PNKP: variants seen among roughly 807,000 people sequenced by gnomAD.
PNKP encodes polynucleotide kinase 3'-phosphatase, also known as bifunctional polynucleotide phosphatase/kinase.
A neutral mutation model predicts 66.2 loss-of-function variants in PNKP; 82 were observed. The ratio of observed to expected loss-of-function variants is 1.24; its 90% CI spans 1.04 to 1.49. The LOEUF (loss-of-function observed/expected upper bound fraction) is 1.49, where lower values mean the gene tolerates loss of function less well. PNKP is among the 40% of genes most tolerant of loss of function. The pLI is 0.00. For missense variants in PNKP, 907 were observed against 706.8 expected, an observed-to-expected ratio of 1.28 and a Z score of -3.21; for synonymous variants, 412 against 298.9, an observed-to-expected ratio of 1.38 and a Z score of -3.90.
Position 49,864,228 on chromosome 19 carries a change from T to A in PNKP, c.587A>T (p.Tyr196Phe), listed in dbSNP as rs138931842. 3.7e-6 allele frequency: 6 copies of A among 1,614,038 alleles called. No individual in the cohort carries two copies. The highest frequency in any genetic ancestry group is 5.1e-6 in the Non-Finnish European group (6 of 1,180,002). ...TCGGAGCTTACGGGGAATCTCTGGG[T>A]ACAAGATCCTACGGCAGGTATGAAG... ...PTGPSDWRIL[Y>F]PEIPRKLREL... The change falls in exon 6 of 17, where the codon TAC becomes TTC. Residue 196 changes from tyrosine (Y) to phenylalanine (F), a missense_variant. Coordinates refer to ENST00000322344, the MANE Select transcript of PNKP (RefSeq NM_007254.4).
rs754563867 is a variant in PNKP at position 49,864,445 on chromosome 19, C to T, written c.499-42G>A. The T allele has an allele frequency of 6.9e-6, 10 of 1,448,482 alleles. No homozygotes were observed. In the African/African-American group the frequency reaches 1.1e-4, roughly 16 times the overall value. The allele number at this position is 1,448,482 out of a possible 1,614,324, so 89.7% of individuals were successfully genotyped here. A position where few individuals can be genotyped will look rare whatever the true frequency, so the allele number is the denominator to read the frequency against. On this transcript the variant is annotated intron_variant, in intron 4 of 16. Transcript: ENST00000322344. Reference sequence around the variant, plus strand: ...AAGACAAACAGCAGCACTGTGATACCTCTGACCCTCCTCACTCACAGGCTG... The same window carrying T: ...AAGACAAACAGCAGCACTGTGATACTTCTGACCCTCCTCACTCACAGGCTG...
chr19:49,865,105 C>CA (rs2074808335), intron 4 of PNKP, 22 bp downstream of exon 4: 1 of 1,608,784 alleles, frequency 6.2e-7, no homozygotes, highest in African/African-American at 1.3e-5. Flanking sequence ...GCGGCTCCCT[C>CA]AGCCCTCGGC....
chr19:49,864,241 G>A lies in PNKP; in HGVS notation c.579-5C>T, dbSNP rs767753048. On this transcript the variant is annotated splice_polypyrimidine_tract_variant and splice_region_variant and intron_variant, in intron 5 of 16. Coordinates refer to ENST00000322344, the MANE Select transcript of PNKP (RefSeq NM_007254.4). ...GGAATCTCTGGGTACAAGATCCTAC[G>A]GCAGGTATGAAGCGGCAGGGGTGAC... is the stretch of plus-strand genomic sequence containing the variant. 5.6e-5 allele frequency: 91 copies of A among 1,613,948 alleles called. No homozygotes were observed. The highest frequency in any genetic ancestry group is 3.8e-4 in the East Asian group (17 of 44,886).
Position 49,861,785 on chromosome 19 carries a change from CGGCGTCT to C in PNKP, c.1278_1284del (p.Asp427ArgfsTer38). On this transcript the variant is annotated frameshift_variant, in exon 14 of 17. Coordinates refer to ENST00000322344, the MANE Select transcript of PNKP (RefSeq NM_007254.4). LOFTEE classifies it high-confidence loss of function. ...CGGTCACGCTACCTGGCGCGGCTCG[CGGCGTCT>C]GGGTTTGTGTTGTCGATGGCGACCC... The C allele has an allele frequency of 6.4e-7, 1 of 1,566,094 alleles. No individual in the cohort carries two copies. The highest frequency in any genetic ancestry group is 8.6e-7 in the Non-Finnish European group (1 of 1,158,520).
rs745385484 is a variant in PNKP at position 49,862,421 on chromosome 19, ACTC to A, written c.976_978del (p.Glu326del). The A allele has an allele frequency of 1.5e-5, 23 of 1,576,690 alleles. No individual in the cohort carries two copies. Among genetic ancestry groups the A allele is most frequent in the Admixed American group, 1.8e-5 (1 of 54,342 alleles). Reference sequence around the variant, plus strand: ...CCGGCTGCTGGCCACTTGAGAAAGAACTCCTCAGGCGTGGCGAAGGGCAGGCCA... The same window carrying A: ...CCGGCTGCTGGCCACTTGAGAAAGAACTCAGGCGTGGCGAAGGGCAGGCCA... On this transcript the variant is annotated inframe_deletion, in exon 11 of 17. Transcript: ENST00000322344.
intron 16 of PNKP, 36 bp downstream of exon 16, chr19:49,861,413 G>A: frequency 1.9e-6 from 3 of 1,613,984 alleles, no homozygotes; most frequent in African/African-American, 1.3e-5. Flanking sequence ...ATGTGGCCCA[G>A]CCAGTGCCCC....
At position 49,863,732 on chromosome 19, in the gene PNKP, T is replaced by C. The variant is rs1362291166; in HGVS notation, c.773A>G (p.Tyr258Cys). The part of the protein sequence containing the change: ...QVLVATHAGL[Y>C]RKPVTGMWDH... ...CCACATGCCCGTCACCGGCTTCCGG[T>C]ACAAGCCTGCGTGCGTGGCCACCAG... Residue 258 changes from tyrosine (Y) to cysteine (C), a missense_variant, in exon 8 of 17, where the codon TAC becomes TGC. Physicochemically the swap from Tyr to Cys is radical, Grantham distance 194 (BLOSUM62 -2). Transcript: ENST00000322344. 17 of 1,559,690 alleles carry C rather than the reference T, an allele frequency of 1.1e-5. No individual in the cohort carries two copies. Among genetic ancestry groups the C allele is most frequent in the Non-Finnish European group, 1.3e-5 (15 of 1,151,278 alleles).
Position 49,861,358 on chromosome 19 carries a change from A to ACTG in PNKP, c.1453_1455dup (p.Gln485dup). ...CCTTCAGCCAGCGTTGGGGCCTCGAACTGCTTCCTGGCAGTGGTGGGAACA... is the reference window on the plus strand; with the variant it reads ...CCTTCAGCCAGCGTTGGGGCCTCGAACTGCTGCTTCCTGGCAGTGGTGGGAACA... On this transcript the variant is annotated inframe_insertion, in exon 17 of 17. Transcript: ENST00000322344. 6.2e-7 allele frequency: 1 copy of ACTG among 1,614,130 alleles called. No individual in the cohort carries two copies. Among genetic ancestry groups the ACTG allele is most frequent in the East Asian group, 2.2e-5 (1 of 44,886 alleles).
At chr19:49,865,017 G>A (rs2074807381) in intron 4 of PNKP, 110 bp downstream of exon 4, 2 of 804,294 alleles carry the variant, frequency 2.5e-6, no homozygotes, top group Non-Finnish European at 2.1e-6. Context: ...TTATCATTAG[G>A]CCCATTTCTC....
In PNKP at chr19:49,862,301, C is replaced by G; in HGVS notation, c.1030-20G>C. Reference sequence around the variant, plus strand: ...AGTCCTCTGCGAGGGGCGGGGGACACGCGTGAGATGCCGTCCCCATCCCCG... The same window carrying G: ...AGTCCTCTGCGAGGGGCGGGGGACAGGCGTGAGATGCCGTCCCCATCCCCG... On this transcript the variant is annotated intron_variant, in intron 11 of 16. Coordinates refer to ENST00000322344, the MANE Select transcript of PNKP (RefSeq NM_007254.4). 1 of 1,557,324 alleles carries G rather than the reference C, an allele frequency of 6.4e-7. No individual in the cohort carries two copies. Among genetic ancestry groups the G allele is most frequent in the Non-Finnish European group, 8.7e-7 (1 of 1,148,978 alleles).
Position 49,861,505 on chromosome 19 carries a change from T to C in PNKP, c.1392A>G (p.Arg464=). 6.2e-7 allele frequency: 1 copy of C among 1,605,340 alleles called. No individual in the cohort carries two copies. The highest frequency in any genetic ancestry group is 8.5e-7 in the Non-Finnish European group (1 of 1,177,206). ...LEQARHNNRF[R]EMTDSSHIPV... The stretch of plus-strand genomic sequence containing the variant: ...GGATATGAGAGGAGTCCGTCATCTC[T>C]CGAAACTGTGGGGAACATCAGAGGG... The change falls in exon 16 of 17, where the codon CGA becomes CGG. Residue 464 remains arginine (R), a synonymous_variant. Coordinates refer to ENST00000322344, the MANE Select transcript of PNKP (RefSeq NM_007254.4).
At chr19:49,863,640 G>A in intron 8 of PNKP, 49 bp downstream of exon 8, 3 of 1,418,840 alleles carry the variant, frequency 2.1e-6, no homozygotes, top group Non-Finnish European at 2.9e-6. Flanking sequence ...CAGGAGTGAG[G>A]GGCTGGAGTG....
chr19:49,867,166 C>T lies in PNKP; in HGVS notation c.39G>A (p.Glu13=), dbSNP rs565350498. 6.8e-6 allele frequency: 11 copies of T among 1,610,470 alleles called. No homozygotes were observed. In the African/African-American group the frequency reaches 1.3e-4, roughly 20 times the overall value. The change falls in exon 2 of 17, where the codon GAG becomes GAA. Residue 13 remains glutamate (E), a synonymous_variant. Coordinates refer to ENST00000322344, the MANE Select transcript of PNKP (RefSeq NM_007254.4). The stretch of plus-strand genomic sequence containing the variant: ...TGGGGGGCGCTCCCCCAGGGGGGCT[C>T]TCGAGCCACAAGCGGCCCGGGGCCT... ...EVEAPGRLWL[E]SPPGGAPPIF...
chr19:49,863,573 G>A (rs1401165048), intron 8 of PNKP, 116 bp downstream of exon 8: 18 of 736,508 alleles, frequency 2.4e-5, no homozygotes, highest in Admixed American at 4.3e-5. Context: ...AAAAACAGAA[G>A]GAGGGAGCGA....
intron 4 of PNKP, 92 bp downstream of exon 4, chr19:49,865,035 T>C (rs942922016): frequency 9.7e-6 from 10 of 1,026,360 alleles, no homozygotes; most frequent in African/African-American, 9.5e-5. Flanking sequence ...CTCAGAAAAG[T>C]AAGTAGAGGC....
chr19:49,861,649 G>A lies in PNKP; in HGVS notation c.1345C>T (p.Leu449Phe), dbSNP rs534804322. The A allele has an allele frequency of 6.4e-7, 1 of 1,551,618 alleles. No individual in the cohort carries two copies. The highest frequency in any genetic ancestry group is 2.0e-5 in the Admixed American group (1 of 51,280). ...RAAGVPCRCF[L>F]FTATLEQARH... is the part of the protein sequence containing the mutation. ...GCCTGCTCCAGAGTGGCGGTGAAGA[G>A]GAAGCAGCGGCAGGGGACGCCCGCG... The change falls in exon 15 of 17, where the codon CTC (leucine) becomes TTC (phenylalanine). Residue 449 changes from leucine (L) to phenylalanine (F), a missense_variant. Coordinates refer to ENST00000322344, the MANE Select transcript of PNKP (RefSeq NM_007254.4).
chr19:49,862,907 C>T lies in PNKP; in HGVS notation c.817-169G>A, dbSNP rs1290647. The T allele has an allele frequency of 6.1e-3, 4,426 of 731,448 alleles. 88 individuals carry two copies. The highest frequency in any genetic ancestry group is 0.034 in the South Asian group (2,286 of 66,826). 45.3% of individuals were successfully genotyped at this position (731,448 alleles called of 1,614,324 possible). A position where few individuals can be genotyped will look rare whatever the true frequency, so the allele number is the denominator to read the frequency against. On this transcript the variant is annotated intron_variant, in intron 8 of 16. Transcript: ENST00000322344. ...GCACCGTGCTCCTGGCCCCCTCCCC[C>T]CTCCGTGGTCTCTCCACACAGCCCC...
chr19:49,862,344 AC>A, intron 11 of PNKP, 26 bp downstream of exon 11: 1 of 515,936 alleles, frequency 1.9e-6, no homozygotes, highest in Non-Finnish European at 3.4e-6. Flanking sequence ...TCCCATCCCC[AC>A]CCCCACCCCC....
chr19:49,861,736 C>A, intron 14 of PNKP, 36 bp downstream of exon 14: 1 of 1,552,452 alleles, frequency 6.4e-7, no homozygotes, highest in Non-Finnish European at 8.7e-7. Context: ...CCGCCCACCC[C>A]GCCGCAGGCC....
Sources: gnomAD v4.1 joint callset for allele counts on GRCh38, gnomAD v4.1.1 for gene constraint, MANE v1.5 for transcripts, NCBI Gene and HGNC (gene_info 2026-07-23, HGNC 2026-07-21) for gene names.